CDH2: variants seen among roughly 807,000 people sequenced by gnomAD.
CDH2 encodes the protein cadherin-2.
In CDH2, 17 loss-of-function variants were observed where a neutral mutation model predicts 92.0. The observed-to-expected ratio is 0.18, with a 90% CI of 0.13 to 0.28. The LOEUF (loss-of-function observed/expected upper bound fraction) is 0.28, where lower values mean the gene tolerates loss of function less well. Among genes scored for constraint, CDH2 ranks in the 10% least tolerant of loss-of-function variants. CDH2 has a pLI of 1.00. For synonymous variants in CDH2, 419 were observed against 415.9 expected (o/e 1.01, Z -0.09); for missense variants, 862 against 1,133.1 (o/e 0.76, Z 3.44).
chr18:27,944,129 T>A (rs1909210727), intron 6 of CDH2, among the ~76,000 whole-genome samples: 1 of 152,172 alleles, frequency 6.6e-6, no homozygotes, highest in Non-Finnish European at 1.5e-5. Context: ...CCACGGATGT[T>A]AACAAAATGT....
At chr18:27,999,082 G>C (rs2143997206) in intron 7 of CDH2, among the ~76,000 whole-genome samples, 1 of 152,310 alleles carries the variant, frequency 6.6e-6, no homozygotes, top group South Asian at 2.1e-4. Flanking sequence ...AGAAGGGATT[G>C]AGAACTGGCT....
intron 1 of CDH2, among the ~76,000 whole-genome samples, chr18:28,176,711 G>A (rs1568028531): frequency 6.6e-6 from 1 of 151,968 alleles, no homozygotes. Context: ...GAGCAGAGGG[G>A]ACCCGCAATC....
chr18:28,120,744 A>C (rs2015573995), intron 2 of CDH2, among the ~76,000 whole-genome samples: 1 of 152,076 alleles, frequency 6.6e-6, no homozygotes, highest in African/African-American at 2.4e-5. Context: ...TACATTGTAA[A>C]CCTATGAATG....
intron 7 of CDH2, among the ~76,000 whole-genome samples, chr18:27,997,956 G>A (rs552393914): frequency 2.6e-5 from 4 of 151,976 alleles, no homozygotes; most frequent in Non-Finnish European, 4.4e-5. Flanking sequence ...ACAGGCGCCC[G>A]CAACCACGCC....
intron 2 of CDH2, among the ~76,000 whole-genome samples, chr18:28,094,274 G>A (rs192438444): frequency 9.2e-5 from 14 of 151,912 alleles, no homozygotes; most frequent in African/African-American, 3.4e-4. Flanking sequence ...ATCACTTGAA[G>A]CCAGGAGTTC....
At chr18:27,993,697 T>G (rs2143980059) in intron 7 of CDH2, 60 bp from the exon 8 acceptor site, 1 of 1,308,480 alleles carries the variant, frequency 7.6e-7, no homozygotes, top group South Asian at 1.3e-5. Flanking sequence ...GACATAACAG[T>G]TGTTCTGTAA....
At chr18:27,949,139 G>GA (rs1378578783), downstream of CDH2, among the ~76,000 whole-genome samples, 4 of 151,992 alleles carry the variant, frequency 2.6e-5, no homozygotes, top group Non-Finnish European at 2.9e-5. Context: ...AACTTCCAAA[G>GA]AAAAAAGAAG....
intron 2 of CDH2, among the ~76,000 whole-genome samples, chr18:28,128,808 T>G (rs1339777750): frequency 6.6e-6 from 1 of 152,176 alleles, no homozygotes; most frequent in Non-Finnish European, 1.5e-5. Flanking sequence ...ACCCCATGAT[T>G]AATGAGGCTA....
intron 1 of CDH2, among the ~76,000 whole-genome samples, chr18:28,175,405 C>A (rs1038159534): frequency 2.0e-5 from 3 of 152,214 alleles, no homozygotes; most frequent in African/African-American, 7.2e-5. Context: ...AACGCTGGGA[C>A]CCTGGCCTGG....
intron 2 of CDH2, among the ~76,000 whole-genome samples, chr18:28,121,207 A>G (rs138256543): frequency 7.0e-4 from 107 of 152,236 alleles, no homozygotes; most frequent in Non-Finnish European, 1.3e-3. Context: ...AATAAACTAA[A>G]TTGTCCAAGA....
intron 6 of CDH2, among the ~76,000 whole-genome samples, chr18:27,936,990 G>T (rs1213148680): frequency 3.3e-5 from 5 of 152,176 alleles, no homozygotes; most frequent in African/African-American, 9.7e-5. Flanking sequence ...AACTGAATGT[G>T]CTGGTAAAAA....
At chr18:28,121,910 T>C (rs942323820) in intron 2 of CDH2, among the ~76,000 whole-genome samples, 1 of 152,054 alleles carries the variant, frequency 6.6e-6, no homozygotes, top group African/African-American at 2.4e-5. Context: ...CATACAAAGC[T>C]GTACAGCCCA....
intron 2 of CDH2, among the ~76,000 whole-genome samples, chr18:28,116,099 C>G (rs1022828293): frequency 6.6e-6 from 1 of 152,144 alleles, no homozygotes; most frequent in African/African-American, 2.4e-5. Flanking sequence ...GTCAGGAATG[C>G]TGCTAAACAA....
chr18:28,141,973 G>A (rs2015961332), intron 2 of CDH2, among the ~76,000 whole-genome samples: 1 of 151,904 alleles, frequency 6.6e-6, no homozygotes, highest in Non-Finnish European at 1.5e-5. Flanking sequence ...CATTTGCTCA[G>A]ACCATCCTAT....
At chr18:28,026,206 T>C (rs565976961) in intron 2 of CDH2, among the ~76,000 whole-genome samples, 30 of 152,300 alleles carry the variant, frequency 2.0e-4, no homozygotes, top group African/African-American at 6.3e-4. Context: ...CTTTTGATTC[T>C]TCTACTTCCC....
chr18:28,117,387 G>A (rs1598487018), intron 2 of CDH2, among the ~76,000 whole-genome samples: 1 of 152,200 alleles, frequency 6.6e-6, no homozygotes, highest in East Asian at 1.9e-4. Flanking sequence ...GGCCCACGCT[G>A]TGGCATATAC....
chr18:27,963,153 TGATA>T (rs1018506642), intron 15 of CDH2, among the ~76,000 whole-genome samples, 200 bp downstream of exon 15: 72 of 152,340 alleles, frequency 4.7e-4, no homozygotes, highest in Admixed American at 1.4e-3. Context: ...GAATCTTAAT[TGATA>T]GATCTCTTTT....
At chr18:28,019,538 T>A (rs573844304) in intron 2 of CDH2, among the ~76,000 whole-genome samples, 1 of 151,972 alleles carries the variant, frequency 6.6e-6, no homozygotes, top group Non-Finnish European at 1.5e-5. Flanking sequence ...AGGAGGACTT[T>A]GCAAAAAACG....
intron 2 of CDH2, among the ~76,000 whole-genome samples, chr18:28,138,107 G>A (rs1358288863): frequency 3.3e-5 from 5 of 151,692 alleles, no homozygotes; most frequent in East Asian, 1.9e-4. Context: ...AAAACTTGTC[G>A]ATTTTATTGT....
Sources: gnomAD v4.1 joint callset for allele counts (sites outside exome capture counted in the v4.1 genomes callset) on GRCh38, gnomAD v4.1.1 for gene constraint, MANE v1.5 for transcripts, NCBI Gene and HGNC (gene_info 2026-07-23, HGNC 2026-07-21) for gene names.